The following ZRANB3 variants were observed in gnomAD, a reference collection of about 807,000 sequenced individuals.
ZRANB3 encodes the protein DNA annealing helicase and endonuclease ZRANB3.
Under a neutral mutation model 133.8 loss-of-function variants are expected in ZRANB3, and 125 were observed. That is an observed-to-expected ratio of 0.93 (90% confidence interval 0.81 to 1.08). ZRANB3 has a LOEUF of 1.08. Ranked by LOEUF, ZRANB3 falls within the 50% of genes least tolerant of loss-of-function variation. The probability of loss-of-function intolerance (pLI) is 0.00; values close to 1 mark genes in which losing one functional copy is unlikely to be tolerated. For missense variants in ZRANB3, 1,229 were observed against 1,275.5 expected, an observed-to-expected ratio of 0.96 and a Z score of 0.56; for synonymous variants, 387 against 432.7, an observed-to-expected ratio of 0.89 and a Z score of 1.31.
At chr2:135,358,230 T>C (rs970132594) in intron 3 of ZRANB3, among the ~76,000 whole-genome samples, 5 of 152,216 alleles carry the variant, frequency 3.3e-5, no homozygotes, top group Admixed American at 2.0e-4. Context: ...GTTTAGGAAA[T>C]AGCCAAAGAC....
chr2:135,352,844 G>GTAA (rs1407298021), intron 4 of ZRANB3, among the ~76,000 whole-genome samples: 1 of 152,082 alleles, frequency 6.6e-6, no homozygotes, highest in Non-Finnish European at 1.5e-5. Flanking sequence ...CACATTCCAT[G>GTAA]TAATAACTCA....
chr2:135,385,961 G>A (rs998695956), intron 3 of ZRANB3, among the ~76,000 whole-genome samples: 4 of 152,058 alleles, frequency 2.6e-5, no homozygotes, highest in Non-Finnish European at 5.9e-5. Context: ...AACACCAAAA[G>A]CAATGGCAAC....
At chr2:135,356,792 C>T (rs556591367) in intron 3 of ZRANB3, among the ~76,000 whole-genome samples, 2 of 152,208 alleles carry the variant, frequency 1.3e-5, no homozygotes, top group South Asian at 2.1e-4. Flanking sequence ...ACTGCAGCCT[C>T]GATCTGGGCT....
intron 2 of ZRANB3, among the ~76,000 whole-genome samples, chr2:135,430,758 A>G (rs984891315): frequency 3.3e-5 from 5 of 152,210 alleles, no homozygotes; most frequent in Non-Finnish European, 7.3e-5. Context: ...AAAATCATCC[A>G]TATATGGTCA....
At chr2:135,206,890 C>G (rs1425751111) in intron 19 of ZRANB3, among the ~76,000 whole-genome samples, 1 of 152,074 alleles carries the variant, frequency 6.6e-6, no homozygotes, top group Non-Finnish European at 1.5e-5. Flanking sequence ...GATGGCCGGG[C>G]ATGATGGCTC....
chr2:135,470,804 CTT>C (rs1433904778), intron 2 of ZRANB3, among the ~76,000 whole-genome samples: 22 of 138,668 alleles, frequency 1.6e-4, no homozygotes, highest in Admixed American at 1.5e-4. Flanking sequence ...AAATTTCTTT[CTT>C]TTTTTTTTTT....
intron 2 of ZRANB3, among the ~76,000 whole-genome samples, chr2:135,446,988 T>C (rs1197324311): frequency 6.6e-6 from 1 of 152,168 alleles, no homozygotes; most frequent in African/African-American, 2.4e-5. Flanking sequence ...TCTGTTTAAT[T>C]TTCTTTCCTC....
intron 2 of ZRANB3, among the ~76,000 whole-genome samples, chr2:135,479,067 A>G (rs1438475428): frequency 6.6e-6 from 1 of 151,952 alleles, no homozygotes; most frequent in East Asian, 1.9e-4. Flanking sequence ...TAACAATAGT[A>G]TAAGACAGTT....
intron 6 of ZRANB3, among the ~76,000 whole-genome samples, chr2:135,329,845 GCTCT>G (rs765849017): frequency 1.5e-3 from 227 of 152,118 alleles, no homozygotes; most frequent in Non-Finnish European, 1.3e-3. Flanking sequence ...TCATGATTTG[GCTCT>G]CTGTTTGTCT....
At chr2:135,346,067 G>A (rs549969689) in intron 5 of ZRANB3, among the ~76,000 whole-genome samples, 4 of 152,098 alleles carry the variant, frequency 2.6e-5, no homozygotes, top group African/African-American at 7.2e-5. Flanking sequence ...CGTGATATTG[G>A]ACATATAGGC....
chr2:135,232,042 T>G, intron 12 of ZRANB3, among the ~76,000 whole-genome samples: 1 of 152,072 alleles, frequency 6.6e-6, no homozygotes, highest in Non-Finnish European at 1.5e-5. Flanking sequence ...CCTTTCCTAG[T>G]CAAAGAAAGA....
intron 2 of ZRANB3, among the ~76,000 whole-genome samples, chr2:135,446,179 C>T (rs1274815722): frequency 6.7e-6 from 1 of 148,568 alleles, no homozygotes; most frequent in East Asian, 2.0e-4. Flanking sequence ...GCACTCCAGC[C>T]TGGGCAACAA....
intron 17 of ZRANB3, 105 bp downstream of exon 17, chr2:135,217,360 C>A: frequency 9.2e-7 from 1 of 1,092,462 alleles, no homozygotes; most frequent in Non-Finnish European, 1.3e-6. Context: ...TTTCTCATAA[C>A]TCATCAGGAT....
Position 135,379,771 on chromosome 2 carries a change from G to T in ZRANB3, c.180+11031C>A, listed in dbSNP as rs1311680373. ...CATCAATTAACAGGCAAAACAACCA[G>T]CTAACATCATAATGACAGGATCAAA... is the stretch of plus-strand genomic sequence containing the variant. On this transcript the variant is annotated intron_variant, in intron 3 of 20. Transcript: ENST00000264159. Among the ~76,000 whole-genome samples the T allele has an allele frequency of 5.3e-5, 8 of 152,148 alleles. No individual in the cohort carries two copies. The East Asian group carries it at 1.5e-3, about 29-fold the overall frequency.
chr2:135,255,943 T>C (rs1483389802), intron 12 of ZRANB3, among the ~76,000 whole-genome samples: 1 of 151,168 alleles, frequency 6.6e-6, no homozygotes, highest in East Asian at 1.9e-4. Context: ...AGGCAGGGTC[T>C]TACTTTGTCA....
At chr2:135,354,851 C>T (rs1390758896) in intron 3 of ZRANB3, among the ~76,000 whole-genome samples, 1 of 152,052 alleles carries the variant, frequency 6.6e-6, no homozygotes, top group East Asian at 1.9e-4. Context: ...TTAACATAAC[C>T]TATGCATTTT....
chr2:135,378,051 A>C (rs1280951524), intron 3 of ZRANB3, among the ~76,000 whole-genome samples: 5 of 152,212 alleles, frequency 3.3e-5, no homozygotes, highest in Admixed American at 3.3e-4. Flanking sequence ...GTGGAACTAG[A>C]ACTGGCTTCC....
Position 135,228,001 on chromosome 2 carries a change from T to A in ZRANB3, c.1969A>T (p.Ser657Cys). The change falls in exon 14 of 21, where the codon AGC (serine) becomes TGC (cysteine). Residue 657 changes from serine to cysteine, a missense_variant. Coordinates refer to ENST00000264159, the MANE Select transcript of ZRANB3 (RefSeq NM_032143.4). ...PQGSAVMQID[S>C]LNHIQDKNEK... ...TTTTTATCCTGGATATGGTTGAGGC[T>A]ATCTATTTGCATAACTATTAAAATA... 6.5e-7 allele frequency: 1 copy of A among 1,541,534 alleles called. No homozygotes were observed. Among genetic ancestry groups the A allele is most frequent in the Non-Finnish European group, 8.7e-7 (1 of 1,143,416 alleles).
intron 2 of ZRANB3, among the ~76,000 whole-genome samples, chr2:135,484,164 C>A (rs2104797435): frequency 6.6e-6 from 1 of 152,244 alleles, no homozygotes; most frequent in African/African-American, 2.4e-5. Flanking sequence ...TCCTGGGTAT[C>A]CTTGTTGACT....
Sources: gnomAD v4.1 joint callset for allele counts (sites outside exome capture counted in the v4.1 genomes callset) on GRCh38, gnomAD v4.1.1 for gene constraint, MANE v1.5 for transcripts, NCBI Gene and HGNC (gene_info 2026-07-23, HGNC 2026-07-21) for gene names.